PLEKHA3: variants seen among roughly 807,000 people sequenced by gnomAD.
PLEKHA3 encodes the protein pleckstrin homology domain containing A3.
Under a neutral mutation model 39.2 loss-of-function variants are expected in PLEKHA3, and 19 were observed. That is an observed-to-expected ratio of 0.48 (90% CI 0.34 to 0.71). The LOEUF is 0.71. Among genes scored for constraint, PLEKHA3 ranks in the 30% least tolerant of loss-of-function variants. The pLI, the probability that PLEKHA3 is intolerant of heterozygous loss-of-function variation, is 0.01. For missense variants in PLEKHA3, 253 were observed against 359.5 expected, an observed-to-expected ratio of 0.70 and a Z score of 2.40; for synonymous variants, 97 against 118.6, an observed-to-expected ratio of 0.82 and a Z score of 1.18.
chr2:178,481,053 T>TC (rs1685155051), intron 1 of PLEKHA3, 144 bp downstream of exon 1: 4 of 701,516 alleles, frequency 5.7e-6, no homozygotes, highest in Non-Finnish European at 8.1e-6. Context: ...GTTGAGTCCT[T>TC]CTGGCCTCTT....
At position 178,505,906 on chromosome 2, in the gene PLEKHA3, G is replaced by T. The variant is rs1413930933; in HGVS notation, c.*2019G>T. 1 of 151,834 alleles carries T rather than the reference G, an allele frequency of 6.6e-6. No homozygotes were observed. Among genetic ancestry groups the T allele is most frequent in the African/African-American group, 2.4e-5 (1 of 41,342 alleles). 9.4% of individuals were successfully genotyped at this position (151,834 alleles called of 1,614,324 possible). A position where few individuals can be genotyped will look rare whatever the true frequency, so the allele number is the denominator to read the frequency against. On this transcript the variant is annotated 3_prime_UTR_variant, in exon 8 of 8. Transcript: ENST00000234453. Reference sequence around the variant, plus strand: ...TTATGACTTGGAGCCACTTTTTGTTGTTATTGTTAGGAACCAAACACATCT... The same window carrying T: ...TTATGACTTGGAGCCACTTTTTGTTTTTATTGTTAGGAACCAAACACATCT...
In PLEKHA3 at chr2:178,515,409, T is replaced by C. The variant is rs1330753325; in HGVS notation, c.*11522T>C. 5.3e-5 allele frequency: 8 copies of C among 152,176 alleles called. No homozygotes were observed. Among genetic ancestry groups the C allele is most frequent in the Non-Finnish European group, 1.2e-4 (8 of 68,024 alleles). The allele number at this position is 152,176 out of a possible 1,614,324, so 9.4% of individuals were successfully genotyped here. ...AGCCAAAAAAAGACATATGAACTTT[T>C]CTCATTCTGTCTACCTTTTTAAAAT... On this transcript the variant is annotated 3_prime_UTR_variant, in exon 8 of 8. Transcript: ENST00000234453.
chr2:178,480,834 C>T lies in PLEKHA3; in HGVS notation c.-36C>T, dbSNP rs1303676774. 1 of 1,316,610 alleles carries T rather than the reference C, an allele frequency of 7.6e-7. No homozygotes were observed. The highest frequency in any genetic ancestry group is 3.0e-5 in the South Asian group (1 of 33,354). The allele number at this position is 1,316,610 out of a possible 1,614,324, so 81.6% of individuals were successfully genotyped here. A position where few individuals can be genotyped will look rare whatever the true frequency, so the allele number is the denominator to read the frequency against. ...CCTACCCCATCACCGCGGCCGGCGC[C>T]GGGCCGGGAGGATGCGCGGTGTGGG... is the stretch of plus-strand genomic sequence containing the variant. On this transcript the variant is annotated 5_prime_UTR_variant, in exon 1 of 8. Coordinates refer to ENST00000234453, the MANE Select transcript of PLEKHA3 (RefSeq NM_019091.4).
chr2:178,499,122 TTTATTATGATAATAG>T (rs1179373251), intron 5 of PLEKHA3, 74 bp from the exon 6 acceptor site: 1 of 1,280,720 alleles, frequency 7.8e-7, no homozygotes, highest in East Asian at 2.4e-5. Flanking sequence ...TAAATTTATG[TTTATTATGATAATAG>T]TAAATTAGAG....
intron 6 of PLEKHA3, among the ~76,000 whole-genome samples, chr2:178,500,335 C>T (rs1482424027): frequency 6.6e-6 from 1 of 152,050 alleles, no homozygotes; most frequent in Non-Finnish European, 1.5e-5. Context: ...GTCAGGGAAT[C>T]AAGAGTCCCA....
Position 178,504,113 on chromosome 2 carries a change from C to CT in PLEKHA3, c.*236dup, listed in dbSNP as rs34464430. The CT allele has an allele frequency of 0.011, 3,284 of 306,390 alleles. No homozygotes were observed. Among genetic ancestry groups the CT allele is most frequent in the South Asian group, 0.025 (377 of 15,190 alleles). 19.0% of individuals were successfully genotyped at this position (306,390 alleles called of 1,614,324 possible). On this transcript the variant is annotated 3_prime_UTR_variant, in exon 8 of 8. Coordinates refer to ENST00000234453, the MANE Select transcript of PLEKHA3 (RefSeq NM_019091.4). ...ATAACTTCACAGTATGAATGTGCAT[C>CT]TTTTTTTTTTGAACAAATGATGGTG...
At chr2:178,488,071 C>G (rs905978061) in intron 2 of PLEKHA3, among the ~76,000 whole-genome samples, 1 of 151,010 alleles carries the variant, frequency 6.6e-6, no homozygotes, top group Non-Finnish European at 1.5e-5. Flanking sequence ...CTCAGGAGTT[C>G]GAGACCAGCC....
In PLEKHA3 at chr2:178,508,608, CT is replaced by C. The variant is rs529508395; in HGVS notation, c.*4725del. ...TAAAGGGCCATCAGGTAGAGTTGGC[CT>C]TTTCTGTTGAGGTCCCCTAAATTTC... On this transcript the variant is annotated 3_prime_UTR_variant, in exon 8 of 8. Coordinates refer to ENST00000234453, the MANE Select transcript of PLEKHA3 (RefSeq NM_019091.4). 9 of 153,814 alleles carry C rather than the reference CT, an allele frequency of 5.9e-5. No homozygotes were observed. In the South Asian group the frequency reaches 1.9e-3, roughly 32 times the overall value. 9.5% of individuals were successfully genotyped at this position (153,814 alleles called of 1,614,324 possible). A position where few individuals can be genotyped will look rare whatever the true frequency, so the allele number is the denominator to read the frequency against.
rs1426457114 is a variant in PLEKHA3, at chr2:178,504,651, T to C, written c.*764T>C. 6.6e-6 allele frequency: 1 copy of C among 152,232 alleles called. No homozygotes were observed. Among genetic ancestry groups the C allele is most frequent in the Non-Finnish European group, 1.5e-5 (1 of 67,848 alleles). The allele number at this position is 152,232 out of a possible 1,614,324, so 9.4% of individuals were successfully genotyped here. The stretch of plus-strand genomic sequence containing the variant: ...AGAGATTTTAATGCTGTAGTGACTT[T>C]GCTCACTTACACTAGAGAAATAAAC... On this transcript the variant is annotated 3_prime_UTR_variant, in exon 8 of 8. Coordinates refer to ENST00000234453, the MANE Select transcript of PLEKHA3 (RefSeq NM_019091.4).
At chr2:178,495,035 C>T (rs966705012) in intron 4 of PLEKHA3, among the ~76,000 whole-genome samples, 2 of 151,376 alleles carry the variant, frequency 1.3e-5, no homozygotes, top group Non-Finnish European at 2.9e-5. Context: ...GGGCACTTTG[C>T]GATCCTGAAC....
chr2:178,482,621 G>T lies in PLEKHA3; in HGVS notation c.40+1712G>T, dbSNP rs538782772. Among the ~76,000 whole-genome samples, 25 of 151,268 alleles carry T rather than the reference G, an allele frequency of 1.7e-4. No homozygotes were observed. In the South Asian group the frequency reaches 5.2e-3, roughly 32 times the overall value. On this transcript the variant is annotated intron_variant, in intron 1 of 7. Transcript: ENST00000234453. ...TGCAAATGCTCATCTCATTGCAAGT[G>T]TTCCTAAGCATGGTGTTGTGGAACC...
chr2:178,514,854 C>T lies in PLEKHA3; in HGVS notation c.*10967C>T, dbSNP rs1451638042. 6.6e-6 allele frequency: 1 copy of T among 152,002 alleles called. No individual in the cohort carries two copies. 9.4% of individuals were successfully genotyped at this position (152,002 alleles called of 1,614,324 possible). ...AAACCTCCTTACAGGGATGAGTTGCCCTCCATTCTCCTTGCCATATTTGGT... is the reference window on the plus strand; with the variant it reads ...AAACCTCCTTACAGGGATGAGTTGCTCTCCATTCTCCTTGCCATATTTGGT... On this transcript the variant is annotated 3_prime_UTR_variant, in exon 8 of 8. Coordinates refer to ENST00000234453, the MANE Select transcript of PLEKHA3 (RefSeq NM_019091.4).
rs904267540 is a variant in PLEKHA3 at position 178,516,150 on chromosome 2, T to C, written c.*12263T>C. On this transcript the variant is annotated 3_prime_UTR_variant, in exon 8 of 8. Coordinates refer to ENST00000234453, the MANE Select transcript of PLEKHA3 (RefSeq NM_019091.4). ...TATTTAAGTGAAAAATTTGTAAGTT[T>C]AGAAGTTAAGAAATTGGAAATAATG... 6.6e-6 allele frequency: 1 copy of C among 151,852 alleles called. No individual in the cohort carries two copies. The highest frequency in any genetic ancestry group is 1.5e-5 in the Non-Finnish European group (1 of 67,902). 9.4% of individuals were successfully genotyped at this position (151,852 alleles called of 1,614,324 possible).
chr2:178,485,753 T>G lies in PLEKHA3; in HGVS notation c.153T>G (p.Ile51Met), dbSNP rs775393360. The change falls in exon 2 of 8, where the codon ATT becomes ATG. Residue 51 changes from isoleucine to methionine, a missense_variant. This residue lies in a region of PLEKHA3 where 126 missense variants were observed against 222.7 expected (regional missense o/e 0.57). Coordinates refer to ENST00000234453, the MANE Select transcript of PLEKHA3 (RefSeq NM_019091.4). ...GCATAAAGATGGCAGTTTGTGAAAT[T>G]AAAGGTAAGTGAATATACAGAATTA... is the stretch of plus-strand genomic sequence containing the variant. The part of the protein sequence containing the change: ...KGSIKMAVCE[I>M]KVHSADNTRM... The G allele has an allele frequency of 8.7e-6, 14 of 1,601,916 alleles. No individual in the cohort carries two copies. Among genetic ancestry groups the G allele is most frequent in the Non-Finnish European group, 1.2e-5 (14 of 1,169,168 alleles).
Position 178,497,555 on chromosome 2 carries a change from C to T in PLEKHA3, c.616-1656C>T, listed in dbSNP as rs1033437059. 6.6e-5 allele frequency among the ~76,000 whole-genome samples: 10 copies of T among 152,274 alleles called. No individual in the cohort carries two copies. In the South Asian group the frequency reaches 8.3e-4, roughly 13 times the overall value. The stretch of plus-strand genomic sequence containing the variant: ...CATTTTATGTATTTTTTAATACCAT[C>T]TTACAGGACTGTGGTGTGGTGTTGA... On this transcript the variant is annotated intron_variant, in intron 5 of 7. Coordinates refer to ENST00000234453, the MANE Select transcript of PLEKHA3 (RefSeq NM_019091.4).
intron 3 of PLEKHA3, among the ~76,000 whole-genome samples, chr2:178,491,869 C>T (rs766184886): frequency 7.2e-5 from 11 of 152,060 alleles, no homozygotes; most frequent in Non-Finnish European, 1.2e-4. Context: ...CAAGGGAAAG[C>T]GGGTGTGTGC....
In PLEKHA3 at chr2:178,514,568, G is replaced by A. The variant is rs890283324; in HGVS notation, c.*10681G>A. The A allele has an allele frequency of 1.3e-5, 2 of 151,852 alleles. No individual in the cohort carries two copies. The highest frequency in any genetic ancestry group is 4.8e-5 in the African/African-American group (2 of 41,334). 9.4% of individuals were successfully genotyped at this position (151,852 alleles called of 1,614,324 possible). ...TGTCATGTCTTTATTTAGGCTAAGT[G>A]CATATGTATGTATAAGTAATGTGTA... On this transcript the variant is annotated 3_prime_UTR_variant, in exon 8 of 8. Transcript: ENST00000234453.
chr2:178,487,462 AG>A (rs897062354), intron 2 of PLEKHA3, among the ~76,000 whole-genome samples: 5 of 151,020 alleles, frequency 3.3e-5, no homozygotes, highest in African/African-American at 9.7e-5. Context: ...TTTTTGAGAC[AG>A]GTTCTCACTC....
At chr2:178,482,341 A>G (rs889103105) in intron 1 of PLEKHA3, among the ~76,000 whole-genome samples, 24 of 152,018 alleles carry the variant, frequency 1.6e-4, no homozygotes, top group African/African-American at 5.6e-4. Context: ...AACCTGGGCC[A>G]CATAGGGAGA....
Sources: gnomAD v4.1 joint callset for allele counts (sites outside exome capture counted in the v4.1 genomes callset) on GRCh38, gnomAD v4.1.1 for gene constraint, gnomAD v4.1.1 regional missense constraint, MANE v1.5 for transcripts, NCBI Gene and HGNC (gene_info 2026-07-23, HGNC 2026-07-21) for gene names.